Variants in DNAJC18 observed in about 807,000 individuals in gnomAD.
The protein encoded by DNAJC18 is dnaJ homolog subfamily C member 18.
DNAJC18 carries 40 observed loss-of-function variants against 48.6 expected under a neutral mutation model. The observed-to-expected ratio is 0.82, with a 90% CI of 0.64 to 1.07. The LOEUF (loss-of-function observed/expected upper bound fraction) is 1.07, where lower values mean the gene tolerates loss of function less well. Among genes scored for constraint, DNAJC18 ranks in the 50% least tolerant of loss-of-function variants. DNAJC18 has a pLI of 0.00. For synonymous variants in DNAJC18, 135 were observed against 152.2 expected (o/e 0.89, Z 0.83); for missense variants, 340 against 427.7 (o/e 0.79, Z 1.81).
chr5:139,419,996 G>T (rs995686812), intron 7 of DNAJC18, 57 bp downstream of exon 7: 1 of 1,458,050 alleles, frequency 6.9e-7, no homozygotes, highest in African/African-American at 1.4e-5. Context: ...GGAGGCTGGG[G>T]GTGCCTCCTG....
rs1057192504 is a variant in DNAJC18 at position 139,413,192 on chromosome 5, A to G, written c.*956T>C. On this transcript the variant is annotated 3_prime_UTR_variant, in exon 8 of 8. Coordinates refer to ENST00000302060, the MANE Select transcript of DNAJC18 (RefSeq NM_152686.4). ...CACAAACTATAGGATACTGGGTTAA[A>G]CAAAGTGGCTGCTGGGGCCAAAGCT... is the stretch of plus-strand genomic sequence containing the variant. 1 of 263,086 alleles carries G rather than the reference A, an allele frequency of 3.8e-6. No individual in the cohort carries two copies. Among genetic ancestry groups the G allele is most frequent in the African/African-American group, 2.2e-5 (1 of 45,358 alleles). 16.3% of individuals were successfully genotyped at this position (263,086 alleles called of 1,614,324 possible).
intron 2 of DNAJC18, among the ~76,000 whole-genome samples, chr5:139,433,444 C>CA (rs1329018409): frequency 0.14 from 8,959 of 66,268 alleles, 387 homozygotes; most frequent in African/African-American, 0.22. Context: ...AACTCCATCT[C>CA]AAAAAAAAAA....
Position 139,413,258 on chromosome 5 carries a change from C to T in DNAJC18, c.*890G>A, listed in dbSNP as rs996389504. On this transcript the variant is annotated 3_prime_UTR_variant, in exon 8 of 8. Transcript: ENST00000302060. ...AGGAGAGAGGATCTGTCTCCTCTAT[C>T]TCTAGGCTTGAGCAAACAGCCTGGA... The T allele has an allele frequency of 1.1e-5, 2 of 174,664 alleles. No individual in the cohort carries two copies. Among genetic ancestry groups the T allele is most frequent in the African/African-American group, 4.7e-5 (2 of 42,428 alleles). The allele number at this position is 174,664 out of a possible 1,614,324, so 10.8% of individuals were successfully genotyped here.
intron 3 of DNAJC18, 49 bp from the exon 4 acceptor site, chr5:139,426,406 T>A (rs762687213): frequency 1.3e-6 from 2 of 1,597,464 alleles, no homozygotes; most frequent in Non-Finnish European, 1.7e-6. Context: ...TTGCTATGGC[T>A]GAGAGTGATC....
chr5:139,425,854 C>T (rs187455373), intron 4 of DNAJC18, among the ~76,000 whole-genome samples: 2 of 152,318 alleles, frequency 1.3e-5, no homozygotes, highest in East Asian at 3.9e-4. Context: ...TGCTATTTTA[C>T]ACAACAATAA....
rs768205383 is a variant in DNAJC18 at position 139,437,391 on chromosome 5, GT to G, written c.207del (p.Glu69AspfsTer39). 2 of 1,611,786 alleles carry G rather than the reference GT, an allele frequency of 1.2e-6. No individual in the cohort carries two copies. Among genetic ancestry groups the G allele is most frequent in the Admixed American group, 3.4e-5 (2 of 59,496 alleles). Reference sequence around the variant, plus strand: ...GCTCACCTTTGTACCCCAAGCAGCTGTTCCTCACTATACGTGGAGTTCCCCT... The same window carrying G: ...GCTCACCTTTGTACCCCAAGCAGCTGTCCTCACTATACGTGGAGTTCCCCT... ...QGEGNSTYSEEQLLGVQRIKK... is the reference protein window; with the variant it reads ...QGEGNSTYSEXQLLGVQRIKK... On this transcript the variant is annotated frameshift_variant, in exon 2 of 8. Coordinates refer to ENST00000302060, the MANE Select transcript of DNAJC18 (RefSeq NM_152686.4). LOFTEE classifies it high-confidence loss of function.
intron 2 of DNAJC18, among the ~76,000 whole-genome samples, chr5:139,429,740 G>A (rs1283195043): frequency 6.6e-6 from 1 of 152,078 alleles, no homozygotes; most frequent in East Asian, 1.9e-4. Context: ...GCCTGGGCAG[G>A]ATGGTAAGAC....
Position 139,437,428 on chromosome 5 carries a change from G to T in DNAJC18, c.171C>A (p.Thr57=). The T allele has an allele frequency of 3.1e-6, 5 of 1,613,976 alleles. No homozygotes were observed. Among genetic ancestry groups the T allele is most frequent in the Non-Finnish European group, 4.2e-6 (5 of 1,179,988 alleles). ...EKKSENEWTQ[T]RQGEGNSTYS... is the part of the protein sequence containing the mutation. ...ACGTGGAGTTCCCCTCACCCTGCCG[G>T]GTCTGAGTCCACTCATTCTCAGACT... Residue 57 remains threonine, a synonymous_variant, in exon 2 of 8, where the codon ACC becomes ACA. Coordinates refer to ENST00000302060, the MANE Select transcript of DNAJC18 (RefSeq NM_152686.4).
At chr5:139,425,661 G>C (rs907621440) in intron 4 of DNAJC18, among the ~76,000 whole-genome samples, 12 of 152,202 alleles carry the variant, frequency 7.9e-5, no homozygotes, top group African/African-American at 2.9e-4. Flanking sequence ...GGCTAGAAGA[G>C]AGAGAGCATT....
chr5:139,419,058 G>A, intron 7 of DNAJC18: 1 of 422,578 alleles, frequency 2.4e-6, no homozygotes, highest in South Asian at 1.7e-5. Context: ...TGACTGAAGA[G>A]CTAATTTTAT....
rs559935676 is a variant in DNAJC18 at position 139,429,080 on chromosome 5, CT to C, written c.228-398del. On this transcript the variant is annotated intron_variant, in intron 2 of 7. Transcript: ENST00000302060. ...CTATCTTTTTAAACTGTATTTTTTG[CT>C]TTTTTTTTTTTTTTTTTTTGAGACG... Among the ~76,000 whole-genome samples the C allele has an allele frequency of 4.8e-3, 552 of 114,570 alleles. 2 individuals are homozygous for C. Among genetic ancestry groups the C allele is most frequent in the South Asian group, 0.019 (63 of 3,238 alleles). 75.2% of individuals were successfully genotyped at this position (114,570 alleles called of 152,430 possible).
intron 5 of DNAJC18, among the ~76,000 whole-genome samples, chr5:139,423,798 C>A (rs542736937): frequency 4.6e-5 from 7 of 151,896 alleles, no homozygotes; most frequent in African/African-American, 1.7e-4. Context: ...GTCCAATTTA[C>A]TTCAGATAAG....
intron 6 of DNAJC18, among the ~76,000 whole-genome samples, chr5:139,421,199 T>C (rs1419463474): frequency 5.3e-5 from 8 of 152,290 alleles, no homozygotes; most frequent in South Asian, 2.1e-4. Context: ...CTCATGACGG[T>C]AATCCCAGCA....
At chr5:139,422,854 GTTCT>G (rs762399851) in intron 5 of DNAJC18, 37 bp from the exon 6 acceptor site, 5 of 1,455,220 alleles carry the variant, frequency 3.4e-6, no homozygotes, top group Non-Finnish European at 4.7e-6. Flanking sequence ...TGCTGTAAGT[GTTCT>G]TTTTTTTTTT....
intron 6 of DNAJC18, 80 bp from the exon 7 acceptor site, chr5:139,420,305 T>C (rs1759133306): frequency 7.5e-7 from 1 of 1,334,924 alleles, no homozygotes; most frequent in Non-Finnish European, 1.0e-6. Flanking sequence ...ACAGATATCA[T>C]CATCATCATC....
At chr5:139,437,313 C>G in intron 2 of DNAJC18, 59 bp downstream of exon 2, 1 of 1,522,556 alleles carries the variant, frequency 6.6e-7, no homozygotes, top group Non-Finnish European at 8.8e-7. Flanking sequence ...ATAGCACATC[C>G]AGGCACTCTT....
At chr5:139,425,825 T>C (rs1331019068) in intron 4 of DNAJC18, among the ~76,000 whole-genome samples, 1 of 152,242 alleles carries the variant, frequency 6.6e-6, no homozygotes, top group Non-Finnish European at 1.5e-5. Context: ...GGTACTTTCC[T>C]ATCTTCTATC....
intron 6 of DNAJC18, among the ~76,000 whole-genome samples, chr5:139,422,182 G>C (rs573567526): frequency 7.0e-4 from 106 of 152,082 alleles, no homozygotes; most frequent in Non-Finnish European, 1.1e-3. Context: ...CAAACTTTGG[G>C]AACTGAATCA....
Position 139,426,224 on chromosome 5 carries a change from G to T in DNAJC18, c.507C>A (p.Asp169Glu). The T allele has an allele frequency of 6.2e-7, 1 of 1,614,232 alleles. No individual in the cohort carries two copies. The highest frequency in any genetic ancestry group is 8.5e-7 in the Non-Finnish European group (1 of 1,180,044). ...PYNYYRDFEA[D>E]ITPEELFNVF... ...CGTTGAACAGCTCTTCTGGAGTGAT[G>T]TCAGCTTCAAAATCCCTGTAATAAT... is the stretch of plus-strand genomic sequence containing the variant. The change falls in exon 4 of 8, where the codon GAC becomes GAA. Residue 169 changes from aspartate (D) to glutamate (E), a missense_variant. Transcript: ENST00000302060.
Sources: allele counts gnomAD v4.1 joint callset (sites outside exome capture counted in the v4.1 genomes callset), GRCh38; gene constraint gnomAD v4.1.1; transcripts MANE v1.5; gene names NCBI Gene and HGNC (gene_info 2026-07-23, HGNC 2026-07-21).